The following DSCAML1 variants were observed in gnomAD, a reference collection of about 807,000 sequenced individuals.
The protein encoded by DSCAML1 is DS cell adhesion molecule like 1, also known as cell adhesion molecule DSCAML1.
DSCAML1 carries 38 observed loss-of-function variants against 200.5 expected under a neutral mutation model. That is an observed-to-expected ratio of 0.19 (90% CI 0.15 to 0.25). The LOEUF is 0.25. Ranked by LOEUF, DSCAML1 falls within the 10% of genes least tolerant of loss-of-function variation. The pLI, the probability that DSCAML1 is intolerant of heterozygous loss-of-function variation, is 1.00. For missense variants in DSCAML1, 2,223 were observed against 2,858.8 expected (o/e 0.78, Z 5.07); for synonymous variants, 1,215 against 1,165.0 (o/e 1.04, Z -0.87).
At chr11:117,795,184 G>C (rs182143927) in intron 1 of DSCAML1, among the ~76,000 whole-genome samples, 147 of 152,284 alleles carry the variant, frequency 9.7e-4, no homozygotes, top group Middle Eastern at 3.4e-3. Context: ...CCCGGGAATG[G>C]GCTGTCCTGG....
intron 19 of DSCAML1, among the ~76,000 whole-genome samples, chr11:117,456,706 G>A (rs1275658279): frequency 7.2e-6 from 1 of 138,226 alleles, no homozygotes. Flanking sequence ...ATGGAGTCTC[G>A]CTCTGTCACC....
At chr11:117,453,649 G>A (rs11216401) in intron 19 of DSCAML1, among the ~76,000 whole-genome samples, 12 of 151,764 alleles carry the variant, frequency 7.9e-5, no homozygotes, top group East Asian at 1.9e-4. Context: ...GAGGTAATCC[G>A]TCTTTTCTCC....
At chr11:117,491,049 A>T (rs1309141943) in intron 11 of DSCAML1, among the ~76,000 whole-genome samples, 3 of 152,170 alleles carry the variant, frequency 2.0e-5, no homozygotes, top group Admixed American at 6.5e-5. Flanking sequence ...CCAGGGAGTG[A>T]AGATTCAGTT....
intron 3 of DSCAML1, among the ~76,000 whole-genome samples, chr11:117,563,817 G>A (rs767490312): frequency 1.3e-5 from 2 of 152,164 alleles, no homozygotes; most frequent in Non-Finnish European, 2.9e-5. Flanking sequence ...CACAACATAC[G>A]ACATGTGAAA....
chr11:117,786,553 G>A (rs997541864), intron 1 of DSCAML1, among the ~76,000 whole-genome samples: 4 of 152,234 alleles, frequency 2.6e-5, no homozygotes, highest in East Asian at 3.9e-4. Context: ...CTCGAGCCCC[G>A]TGTATGTGAC....
At chr11:117,461,717 G>C (rs375314361) in intron 17 of DSCAML1, 121 bp from the exon 18 acceptor site, 27 of 875,670 alleles carry the variant, frequency 3.1e-5, no homozygotes, top group South Asian at 6.7e-5. Flanking sequence ...TTAGACAAGT[G>C]GGGGGACCTC....
Position 117,764,503 on chromosome 11 carries a change from G to A in DSCAML1, c.511+12288C>T, listed in dbSNP as rs117817410. Among the ~76,000 whole-genome samples, 5 of 152,292 alleles carry A rather than the reference G, an allele frequency of 3.3e-5. No homozygotes were observed. In the East Asian group the frequency reaches 7.7e-4, roughly 23 times the overall value. On this transcript the variant is annotated intron_variant, in intron 3 of 32. Transcript: ENST00000651296. The stretch of plus-strand genomic sequence containing the variant: ...GTCTACATAACACAGCACCCATCAC[G>A]CACACAGGAAGCACTCAGAAAACAT...
intron 3 of DSCAML1, among the ~76,000 whole-genome samples, chr11:117,620,164 C>T (rs1298516564): frequency 6.6e-6 from 1 of 152,106 alleles, no homozygotes. Context: ...ACTGTGCCAC[C>T]CTTTCCAGAA....
At chr11:117,624,531 T>C (rs2052002793) in intron 3 of DSCAML1, among the ~76,000 whole-genome samples, 1 of 152,124 alleles carries the variant, frequency 6.6e-6, no homozygotes, top group Non-Finnish European at 1.5e-5. Context: ...TGTTTTGGCC[T>C]TTTTTTATGG....
At chr11:117,525,608 C>T (rs2049964703) in intron 4 of DSCAML1, among the ~76,000 whole-genome samples, 1 of 152,114 alleles carries the variant, frequency 6.6e-6, no homozygotes, top group South Asian at 2.1e-4. Context: ...TACAGGCACG[C>T]ACCACCACAC....
At chr11:117,722,729 T>C (rs1329402219) in intron 3 of DSCAML1, among the ~76,000 whole-genome samples, 9 of 152,302 alleles carry the variant, frequency 5.9e-5, no homozygotes, top group Non-Finnish European at 2.9e-5. Flanking sequence ...GTTCAGGCTG[T>C]GGACTGGCCC....
intron 1 of DSCAML1, among the ~76,000 whole-genome samples, chr11:117,782,035 C>T (rs1224406541): frequency 2.0e-5 from 3 of 152,158 alleles, no homozygotes; most frequent in Non-Finnish European, 4.4e-5. Context: ...GGCAGGGTCC[C>T]AGGTCTCTAG....
At chr11:117,564,445 C>T (rs4936387) in intron 3 of DSCAML1, among the ~76,000 whole-genome samples, 6,823 of 152,260 alleles carry the variant, frequency 0.045, 289 homozygotes, top group Non-Finnish European at 0.058. Flanking sequence ...AACAATCATC[C>T]GCAATCAATA....
At chr11:117,597,965 C>A (rs575343634) in intron 3 of DSCAML1, among the ~76,000 whole-genome samples, 1 of 151,948 alleles carries the variant, frequency 6.6e-6, no homozygotes, top group South Asian at 2.1e-4. Flanking sequence ...GCATACTGAG[C>A]GTATAGAAAT....
intron 3 of DSCAML1, among the ~76,000 whole-genome samples, chr11:117,711,784 T>A (rs1274999905): frequency 1.3e-5 from 2 of 152,214 alleles, no homozygotes; most frequent in African/African-American, 4.8e-5. Flanking sequence ...ACAACTGGCC[T>A]ATCATCAGCT....
intron 31 of DSCAML1, 53 bp from the exon 32 acceptor site, chr11:117,431,086 A>T (rs1565670245): frequency 6.6e-7 from 1 of 1,520,320 alleles, no homozygotes; most frequent in East Asian, 2.3e-5. Context: ...TATAAGTGAG[A>T]CTGACTGAGC....
chr11:117,536,655 G>A (rs2137354838), intron 3 of DSCAML1, among the ~76,000 whole-genome samples: 1 of 152,320 alleles, frequency 6.6e-6, no homozygotes, highest in South Asian at 2.1e-4. Context: ...GCTGGAGGGT[G>A]CCATTCCTTT....
Position 117,450,614 on chromosome 11 carries a change from TA to T in DSCAML1, c.3642del (p.Thr1215ProfsTer6), listed in dbSNP as rs1226428319. 1 of 1,613,974 alleles carries T rather than the reference TA, an allele frequency of 6.2e-7. No individual in the cohort carries two copies. Among genetic ancestry groups the T allele is most frequent in the African/African-American group, 1.3e-5 (1 of 74,898 alleles). On this transcript the variant is annotated frameshift_variant, in exon 20 of 33. Transcript: ENST00000651296. LOFTEE classifies it high-confidence loss of function. ...ASSVVVSWLP[P>X]TKPNGVIRKY... ...TTGCGGATCACCCCGTTGGGCTTGG[TA>T]GGGGGGAGCCAAGACACAACCACAC... is the stretch of plus-strand genomic sequence containing the variant.
At chr11:117,790,824 TG>T (rs558430363) in intron 1 of DSCAML1, among the ~76,000 whole-genome samples, 57 of 152,368 alleles carry the variant, frequency 3.7e-4, no homozygotes, top group African/African-American at 1.2e-3. Flanking sequence ...GGCTGAGCTT[TG>T]TTTTTTAGGT....
Sources: gnomAD v4.1 joint callset for allele counts (sites outside exome capture counted in the v4.1 genomes callset) on GRCh38, gnomAD v4.1.1 for gene constraint, MANE v1.5 for transcripts, NCBI Gene and HGNC (gene_info 2026-07-23, HGNC 2026-07-21) for gene names.